SNX31: variants seen among roughly 807,000 people sequenced by gnomAD.
SNX31 encodes the protein sorting nexin-31.
SNX31 carries 58 observed loss-of-function variants against 65.4 expected under a neutral mutation model. The observed-to-expected ratio is 0.89, with a 90% CI of 0.72 to 1.10. The LOEUF is 1.10. SNX31 is among the 50% of genes least tolerant of loss of function. The pLI is 0.00. For synonymous variants in SNX31, 181 were observed against 190.1 expected (o/e 0.95, Z 0.39); for missense variants, 523 against 529.7 (o/e 0.99, Z 0.12).
chr8:100,608,369 C>T, intron 8 of SNX31, 125 bp downstream of exon 8: 1 of 813,784 alleles, frequency 1.2e-6, no homozygotes, highest in Non-Finnish European at 2.0e-6. Context: ...TACTTTCTGT[C>T]TCTATGAATG....
intron 10 of SNX31, among the ~76,000 whole-genome samples, chr8:100,595,825 T>A (rs900450790): frequency 2.6e-5 from 4 of 152,112 alleles, no homozygotes; most frequent in African/African-American, 2.4e-5. Flanking sequence ...TTGAGCAGGG[T>A]CTGGGCATTG....
intron 3 of SNX31, among the ~76,000 whole-genome samples, chr8:100,633,116 A>G (rs926371052): frequency 2.6e-5 from 4 of 151,304 alleles, no homozygotes; most frequent in African/African-American, 9.7e-5. Flanking sequence ...TTGGGTACAG[A>G]TGGGGTCTTG....
chr8:100,611,948 G>T, intron 7 of SNX31, 52 bp downstream of exon 7: 2 of 1,377,956 alleles, frequency 1.5e-6, no homozygotes, highest in Admixed American at 3.4e-5. Context: ...AGTCCTGATG[G>T]GCAATGGCGA....
intron 4 of SNX31, among the ~76,000 whole-genome samples, chr8:100,628,819 T>C (rs1818230812): frequency 2.1e-5 from 3 of 140,068 alleles, no homozygotes; most frequent in African/African-American, 8.4e-5. Flanking sequence ...AATGGGTGTG[T>C]GTGTGTGTGT....
intron 4 of SNX31, among the ~76,000 whole-genome samples, chr8:100,624,864 T>C (rs1238575547): frequency 1.3e-5 from 2 of 152,138 alleles, no homozygotes; most frequent in African/African-American, 4.8e-5. Context: ...TACAGTGGGC[T>C]GATCATAGCT....
intron 10 of SNX31, among the ~76,000 whole-genome samples, chr8:100,592,821 A>G (rs1371014886): frequency 6.6e-6 from 1 of 152,238 alleles, no homozygotes; most frequent in African/African-American, 2.4e-5. Flanking sequence ...GATACATGCT[A>G]CAAGAATGAA....
Position 100,629,296 on chromosome 8 carries a change from A to C in SNX31, c.321+1031T>G, listed in dbSNP as rs1818266810. 6.6e-6 allele frequency among the ~76,000 whole-genome samples: 1 copy of C among 152,194 alleles called. No homozygotes were observed. Among genetic ancestry groups the C allele is most frequent in the Non-Finnish European group, 1.5e-5 (1 of 68,042 alleles). ...GAGGAGGGGGATCATAAGGGAAGAAAAGTTACTTTTCATTGTATACGCTTG... is the reference window on the plus strand; with the variant it reads ...GAGGAGGGGGATCATAAGGGAAGAACAGTTACTTTTCATTGTATACGCTTG... On this transcript the variant is annotated intron_variant, in intron 4 of 13. Transcript: ENST00000311812. This position sits in a 1 kb window ranked among gnomAD's most constrained non-coding sequence, Gnocchi z 5.1.
chr8:100,650,912 G>A (rs978992686), upstream of SNX31, among the ~76,000 whole-genome samples: 2 of 151,016 alleles, frequency 1.3e-5, no homozygotes, highest in Non-Finnish European at 2.9e-5. Context: ...GAGTGCAATG[G>A]TGCGATCTCA....
chr8:100,602,049 G>A (rs1815684680), intron 8 of SNX31, among the ~76,000 whole-genome samples: 1 of 152,160 alleles, frequency 6.6e-6, no homozygotes, highest in Admixed American at 6.5e-5. Flanking sequence ...GTCATGACGG[G>A]GCAGAATTGG....
intron 12 of SNX31, among the ~76,000 whole-genome samples, chr8:100,580,688 C>T (rs995488772): frequency 6.6e-6 from 1 of 152,168 alleles, no homozygotes; most frequent in Non-Finnish European, 1.5e-5. Context: ...ACAGAAGATC[C>T]ACAATAGAAA....
rs147683422 is a variant in SNX31, at chr8:100,588,504, C to G, written c.1092+362G>C. Among the ~76,000 whole-genome samples the G allele has an allele frequency of 6.6e-6, 1 of 152,216 alleles. No individual in the cohort carries two copies. The highest frequency in any genetic ancestry group is 1.5e-5 in the Non-Finnish European group (1 of 68,042). The stretch of plus-strand genomic sequence containing the variant: ...ATAGCCAGACTCACTTGTTTATATA[C>G]TGCCTATGGCTGCTTTTAACAGAGT... On this transcript the variant is annotated intron_variant, in intron 11 of 13. Transcript: ENST00000311812. This position sits in a 1 kb window ranked among gnomAD's most constrained non-coding sequence, Gnocchi z 4.8.
rs140914272 is a variant in SNX31, at chr8:100,616,875, T to C, written c.432+745A>G. On this transcript the variant is annotated intron_variant, in intron 5 of 13. Coordinates refer to ENST00000311812, the MANE Select transcript of SNX31 (RefSeq NM_152628.4). Reference sequence around the variant, plus strand: ...GTCCTTTGAAAGGTCCTAGAAACTTTCTGACTCTTCTTCATGTTTATAACT... The same window carrying C: ...GTCCTTTGAAAGGTCCTAGAAACTTCCTGACTCTTCTTCATGTTTATAACT... Among the ~76,000 whole-genome samples the C allele has an allele frequency of 2.5e-4, 38 of 152,340 alleles. 1 individual carries two copies. In the South Asian group the frequency reaches 7.9e-3, roughly 32 times the overall value.
chr8:100,643,236 C>T (rs1819393385), intron 2 of SNX31, among the ~76,000 whole-genome samples: 1 of 152,048 alleles, frequency 6.6e-6, no homozygotes, highest in Non-Finnish European at 1.5e-5. Flanking sequence ...AATCCCAGAA[C>T]AATCTCCTGT....
At chr8:100,597,254 T>C (rs1815189402) in intron 9 of SNX31, among the ~76,000 whole-genome samples, 1 of 152,170 alleles carries the variant, frequency 6.6e-6, no homozygotes, top group African/African-American at 2.4e-5. Context: ...TGGCTTTTTT[T>C]TTTTTTAGAC....
intron 9 of SNX31, among the ~76,000 whole-genome samples, chr8:100,599,536 T>C (rs993905010): frequency 6.6e-6 from 1 of 152,078 alleles, no homozygotes; most frequent in Non-Finnish European, 1.5e-5. Context: ...GTGCCTTTCC[T>C]TTTTCTCTTT....
At chr8:100,655,281 T>C (rs1440618327) in intron 1 of SNX31, among the ~76,000 whole-genome samples, 1 of 152,054 alleles carries the variant, frequency 6.6e-6, no homozygotes. Context: ...GTAAGAGCAT[T>C]TTAGGAAGGC....
chr8:100,608,020 C>T (rs1816333752), intron 8 of SNX31, among the ~76,000 whole-genome samples: 1 of 152,164 alleles, frequency 6.6e-6, no homozygotes, highest in South Asian at 2.1e-4. Flanking sequence ...TCACGTGTGA[C>T]TTTAAGTTAT....
chr8:100,649,205 A>T, intron 2 of SNX31, 69 bp downstream of exon 2: 1 of 1,505,368 alleles, frequency 6.6e-7, no homozygotes, highest in Non-Finnish European at 9.2e-7. Context: ...AGAGGAACAG[A>T]GCGCTTTGGG....
In SNX31 at chr8:100,588,732, G is replaced by A. The variant is rs1024348674; in HGVS notation, c.1092+134C>T. On this transcript the variant is annotated intron_variant, in intron 11 of 13. Coordinates refer to ENST00000311812, the MANE Select transcript of SNX31 (RefSeq NM_152628.4). This position sits in a 1 kb window ranked among gnomAD's most constrained non-coding sequence, Gnocchi z 4.8. ...CATAAAACAAAATAAAAGGTATTACGGTCCCGAACGAGAGTGCATAGAACA... is the reference window on the plus strand; with the variant it reads ...CATAAAACAAAATAAAAGGTATTACAGTCCCGAACGAGAGTGCATAGAACA... 8 of 510,558 alleles carry A rather than the reference G, an allele frequency of 1.6e-5. No individual in the cohort carries two copies. The highest frequency in any genetic ancestry group is 2.5e-5 in the Non-Finnish European group (7 of 285,396). 31.6% of individuals were successfully genotyped at this position (510,558 alleles called of 1,614,324 possible).
Sources: allele counts gnomAD v4.1 joint callset (sites outside exome capture counted in the v4.1 genomes callset), GRCh38; gene constraint gnomAD v4.1.1; non-coding constraint Gnocchi (gnomAD v3.1); transcripts MANE v1.5; gene names NCBI Gene and HGNC (gene_info 2026-07-23, HGNC 2026-07-21).